WDR7: variants seen among roughly 807,000 people sequenced by gnomAD.
WDR7 encodes WD repeat-containing protein 7.
In WDR7, 46 loss-of-function variants were observed where a neutral mutation model predicts 169.4. That is an observed-to-expected ratio of 0.27 (90% confidence interval 0.21 to 0.35). WDR7 has a LOEUF of 0.35. Among genes scored for constraint, WDR7 ranks in the 10% least tolerant of loss-of-function variants. The pLI, the probability that WDR7 is intolerant of heterozygous loss-of-function variation, is 1.00. For synonymous variants in WDR7, 612 were observed against 666.8 expected, an observed-to-expected ratio of 0.92 and a Z score of 1.27; for missense variants, 1,534 against 1,859.3, an observed-to-expected ratio of 0.83 and a Z score of 3.22.
chr18:56,665,300 A>AC (rs2024994178), intron 1 of WDR7, among the ~76,000 whole-genome samples: 1 of 85,464 alleles, frequency 1.2e-5, no homozygotes, highest in Non-Finnish European at 2.6e-5. Context: ...TCTAAAAAAA[A>AC]AAAAAAAAGA....
chr18:56,873,758 G>A (rs2045984785), intron 20 of WDR7: 2 of 152,118 alleles, frequency 1.3e-5, no homozygotes, highest in Non-Finnish European at 2.9e-5. Context: ...TCCAAGCAGG[G>A]GAAGAAACTA....
chr18:56,932,581 G>A (rs1249468607), intron 22 of WDR7, among the ~76,000 whole-genome samples: 3 of 152,100 alleles, frequency 2.0e-5, no homozygotes, highest in Admixed American at 6.5e-5. Flanking sequence ...TTTTTTTTAT[G>A]AGAAGCGTCT....
At chr18:56,995,967 T>C (rs191240188) in intron 26 of WDR7, among the ~76,000 whole-genome samples, 5 of 152,312 alleles carry the variant, frequency 3.3e-5, no homozygotes, top group Admixed American at 3.3e-4. Flanking sequence ...TTAATGCACA[T>C]TTGGTACCTG....
chr18:56,975,534 T>C (rs1300922465), intron 26 of WDR7, among the ~76,000 whole-genome samples: 1 of 152,128 alleles, frequency 6.6e-6, no homozygotes, highest in Non-Finnish European at 1.5e-5. Flanking sequence ...TGGAGTGTCA[T>C]GAGTCAGCAG....
At chr18:57,016,012 G>A (rs62100195) in intron 26 of WDR7, among the ~76,000 whole-genome samples, 3 of 152,252 alleles carry the variant, frequency 2.0e-5, no homozygotes, top group South Asian at 2.1e-4. Context: ...GCCCTCTGCC[G>A]GAGCACATTC....
intron 22 of WDR7, among the ~76,000 whole-genome samples, chr18:56,925,501 C>T (rs1431234932): frequency 6.6e-6 from 1 of 152,106 alleles, no homozygotes; most frequent in Non-Finnish European, 1.5e-5. Flanking sequence ...CATAATGCCT[C>T]CCTTAACGAA....
intron 4 of WDR7, 142 bp downstream of exon 4, chr18:56,681,533 A>C: frequency 5.7e-6 from 3 of 526,438 alleles, no homozygotes. Flanking sequence ...TTGAAGCGGT[A>C]AAAGTGTTCC....
At chr18:56,816,284 C>A in intron 20 of WDR7, 140 bp downstream of exon 20, 1 of 678,432 alleles carries the variant, frequency 1.5e-6, no homozygotes, top group Non-Finnish European at 2.4e-6. Flanking sequence ...TTTTATGAAA[C>A]TGTTCAGTGT....
At chr18:56,708,774 A>C (rs925964610) in intron 12 of WDR7, among the ~76,000 whole-genome samples, 5 of 152,162 alleles carry the variant, frequency 3.3e-5, no homozygotes, top group Admixed American at 2.6e-4. Context: ...GTGTTTACTA[A>C]AAATACAAAA....
chr18:56,956,529 C>T (rs984719801), intron 25 of WDR7, among the ~76,000 whole-genome samples: 2 of 152,124 alleles, frequency 1.3e-5, no homozygotes, highest in Non-Finnish European at 2.9e-5. Context: ...CCCGAAAGAG[C>T]TCTTTGGCAT....
At chr18:56,736,615 C>A (rs938316090) in intron 14 of WDR7, among the ~76,000 whole-genome samples, 4 of 151,040 alleles carry the variant, frequency 2.6e-5, no homozygotes, top group Non-Finnish European at 4.4e-5. Context: ...TACAGTTTGT[C>A]AGAGAAATGA....
rs748244677 is a variant in WDR7 at position 56,710,719 on chromosome 18, C to T, written c.1579-7245C>T. Among the ~76,000 whole-genome samples the T allele has an allele frequency of 7.9e-5, 12 of 152,122 alleles. No individual in the cohort carries two copies. In the South Asian group the frequency reaches 1.0e-3, roughly 13 times the overall value. On this transcript the variant is annotated intron_variant, in intron 12 of 27. Transcript: ENST00000254442. ...TTATGAAATTATTTTCTACTCTCAG[C>T]GCCCACTTCATTGCCGCTTGCCAGC...
intron 19 of WDR7, among the ~76,000 whole-genome samples, chr18:56,790,579 T>C (rs751358993): frequency 6.6e-6 from 1 of 152,178 alleles, no homozygotes; most frequent in Non-Finnish European, 1.5e-5. Context: ...GTTTATAAAT[T>C]CTGGGATTAA....
chr18:56,962,626 G>A, intron 26 of WDR7, 97 bp downstream of exon 26: 1 of 1,056,066 alleles, frequency 9.5e-7, no homozygotes, highest in Non-Finnish European at 1.4e-6. Flanking sequence ...TGAGCTGCTG[G>A]AACATTATGG....
intron 20 of WDR7, among the ~76,000 whole-genome samples, chr18:56,851,228 C>T (rs1336219390): frequency 6.6e-6 from 1 of 152,116 alleles, no homozygotes. Context: ...CTTCATTTCT[C>T]AGCCTCTGAC....
chr18:56,681,468 C>A, intron 4 of WDR7, 77 bp downstream of exon 4: 3 of 964,674 alleles, frequency 3.1e-6, no homozygotes, highest in Non-Finnish European at 4.3e-6. Context: ...AACATTGAGC[C>A]TATATTTTTA....
intron 25 of WDR7, among the ~76,000 whole-genome samples, chr18:56,944,834 A>ATGT: frequency 6.6e-6 from 1 of 152,216 alleles, no homozygotes; most frequent in Non-Finnish European, 1.5e-5. Flanking sequence ...TGCAGATTAA[A>ATGT]TGTTTTCAAA....
chr18:56,880,953 G>A (rs1018036403), intron 21 of WDR7, among the ~76,000 whole-genome samples: 1 of 152,088 alleles, frequency 6.6e-6, no homozygotes, highest in African/African-American at 2.4e-5. Flanking sequence ...GTCCTCTTAA[G>A]GAACAAATAT....
intron 22 of WDR7, among the ~76,000 whole-genome samples, chr18:56,934,662 A>T (rs2046933839): frequency 6.6e-6 from 1 of 152,098 alleles, no homozygotes; most frequent in South Asian, 2.1e-4. Context: ...CAATGAAGAG[A>T]ATGCCTACAT....
Sources: gnomAD v4.1 joint callset for allele counts (sites outside exome capture counted in the v4.1 genomes callset) on GRCh38, gnomAD v4.1.1 for gene constraint, MANE v1.5 for transcripts, NCBI Gene and HGNC (gene_info 2026-07-23, HGNC 2026-07-21) for gene names.